Variants in SEC24B observed in about 807,000 individuals in gnomAD.
SEC24B encodes the protein SEC24 homolog B, COPII component.
A neutral mutation model predicts 142.8 loss-of-function variants in SEC24B; 45 were observed. The ratio of observed to expected loss-of-function variants is 0.32; its 90% CI spans 0.25 to 0.40. The LOEUF is 0.40. Among genes scored for constraint, SEC24B ranks in the 10% least tolerant of loss-of-function variants. The pLI is 1.00. For missense variants in SEC24B, 1,409 were observed against 1,526.8 expected, an observed-to-expected ratio of 0.92 and a Z score of 1.29; for synonymous variants, 574 against 568.2, an observed-to-expected ratio of 1.01 and a Z score of -0.15.
intron 7 of SEC24B, 77 bp downstream of exon 7, chr4:109,506,589 A>T (rs1233410138): frequency 9.7e-7 from 1 of 1,031,620 alleles, no homozygotes. Flanking sequence ...TAAAAGTAGT[A>T]TGTTATTTCT....
At chr4:109,456,000 C>A (rs35007614) in intron 1 of SEC24B, among the ~76,000 whole-genome samples, 1 of 152,166 alleles carries the variant, frequency 6.6e-6, no homozygotes, top group African/African-American at 2.4e-5. Flanking sequence ...ATCAAGTCTT[C>A]TAATCCATGA....
At chr4:109,538,799 T>C (rs1160650753) in intron 23 of SEC24B, among the ~76,000 whole-genome samples, 1 of 152,126 alleles carries the variant, frequency 6.6e-6, no homozygotes, top group African/African-American at 2.4e-5. Flanking sequence ...TTATTTAATT[T>C]GAGATAGAGT....
At chr4:109,488,513 GTTGA>G (rs1253462850) in intron 4 of SEC24B, among the ~76,000 whole-genome samples, 1 of 152,100 alleles carries the variant, frequency 6.6e-6, no homozygotes, top group African/African-American at 2.4e-5. Flanking sequence ...CCATTCATGA[GTTGA>G]TGGACATTTG....
chr4:109,479,748 T>A (rs1365503682), intron 3 of SEC24B, among the ~76,000 whole-genome samples: 1 of 152,242 alleles, frequency 6.6e-6, no homozygotes, highest in African/African-American at 2.4e-5. Flanking sequence ...ATTTTTGTTT[T>A]AATTGGGCTT....
At chr4:109,444,039 G>C (rs959093344) in intron 1 of SEC24B, among the ~76,000 whole-genome samples, 1 of 151,640 alleles carries the variant, frequency 6.6e-6, no homozygotes, top group African/African-American at 2.4e-5. Flanking sequence ...CCTGGCCAAC[G>C]TGGTAAAAAC....
At chr4:109,491,516 GA>G in intron 5 of SEC24B, 109 bp downstream of exon 5, 2 of 760,130 alleles carry the variant, frequency 2.6e-6, no homozygotes, top group Non-Finnish European at 4.3e-6. Context: ...TTTTTAACAA[GA>G]AAAAAAGGAC....
chr4:109,483,618 A>G (rs1302847631), intron 4 of SEC24B, among the ~76,000 whole-genome samples: 2 of 152,200 alleles, frequency 1.3e-5, no homozygotes, highest in Non-Finnish European at 2.9e-5. Flanking sequence ...CTCCTGTTCT[A>G]AATGTGAAGA....
In SEC24B at chr4:109,436,986, T is replaced by C. The variant is rs79209355; in HGVS notation, c.133+2984T>C. 1.9e-3 allele frequency among the ~76,000 whole-genome samples: 297 copies of C among 152,346 alleles called. 2 individuals are homozygous for C. Among genetic ancestry groups the C allele is most frequent in the African/African-American group, 6.8e-3 (284 of 41,576 alleles). Reference sequence around the variant, plus strand: ...TCCACAAGCCCTTCTACCAAAGTAATTGAACCTAAGGAGGGGGTAGTAGAA... The same window carrying C: ...TCCACAAGCCCTTCTACCAAAGTAACTGAACCTAAGGAGGGGGTAGTAGAA... On this transcript the variant is annotated intron_variant, in intron 1 of 23. Transcript: ENST00000265175.
Position 109,540,731 on chromosome 4 carries a change from A to G in SEC24B, c.*1056A>G, listed in dbSNP as rs552578669. 6.6e-6 allele frequency: 1 copy of G among 152,258 alleles called. No individual in the cohort carries two copies. Among genetic ancestry groups the G allele is most frequent in the Admixed American group, 6.5e-5 (1 of 15,288 alleles). The allele number at this position is 152,258 out of a possible 1,614,324, so 9.4% of individuals were successfully genotyped here. On this transcript the variant is annotated 3_prime_UTR_variant, in exon 24 of 24. Coordinates refer to ENST00000265175, the MANE Select transcript of SEC24B (RefSeq NM_006323.5). ...AACCCCATCTCTGCTAAAAATACCA[A>G]AATTAGCCAGGGGTGCTGGCGGGCA...
chr4:109,520,900 G>A (rs1723533336), intron 12 of SEC24B, among the ~76,000 whole-genome samples: 1 of 152,176 alleles, frequency 6.6e-6, no homozygotes, highest in Admixed American at 6.5e-5. Flanking sequence ...GCTGAGGCAG[G>A]AGAATCGCTT....
At chr4:109,499,781 A>G (rs2126021047) in intron 6 of SEC24B, among the ~76,000 whole-genome samples, 1 of 152,344 alleles carries the variant, frequency 6.6e-6, no homozygotes, top group Non-Finnish European at 1.5e-5. Context: ...ATAATACTTG[A>G]TAATGAAAAT....
intron 6 of SEC24B, among the ~76,000 whole-genome samples, chr4:109,505,697 GACAA>G (rs1736604379): frequency 6.6e-6 from 1 of 152,082 alleles, no homozygotes; most frequent in Non-Finnish European, 1.5e-5. Context: ...TTCCTTTTTA[GACAA>G]ACAATTCTAG....
At chr4:109,454,948 C>T (rs554443943) in intron 1 of SEC24B, among the ~76,000 whole-genome samples, 37 of 152,332 alleles carry the variant, frequency 2.4e-4, no homozygotes, top group African/African-American at 8.7e-4. Flanking sequence ...TTTCCCCATT[C>T]AGTCTGTTCA....
chr4:109,477,606 G>A (rs927775153), intron 3 of SEC24B, among the ~76,000 whole-genome samples: 2 of 152,042 alleles, frequency 1.3e-5, no homozygotes, highest in Non-Finnish European at 2.9e-5. Context: ...GATTACAGGT[G>A]TGAGCCACTG....
At position 109,501,864 on chromosome 4, in the gene SEC24B, C is replaced by T. The variant is rs540201460; in HGVS notation, c.1489-4464C>T. On this transcript the variant is annotated intron_variant, in intron 6 of 23. Coordinates refer to ENST00000265175, the MANE Select transcript of SEC24B (RefSeq NM_006323.5). The stretch of plus-strand genomic sequence containing the variant: ...AGTACTATTCTAGGCACTGAGAATA[C>T]GAGAGGAGGCTCAGTGAACCAAACA... Among the ~76,000 whole-genome samples, 16 of 152,300 alleles carry T rather than the reference C, an allele frequency of 1.1e-4. No homozygotes were observed. The East Asian group carries it at 1.5e-3, about 15-fold the overall frequency.
In SEC24B at chr4:109,463,388, T is replaced by C. The variant is rs1485691194; in HGVS notation, c.621T>C (p.Tyr207=). The change falls in exon 2 of 24, where the codon TAT becomes TAC. Residue 207 remains tyrosine (Y), a synonymous_variant. Transcript: ENST00000265175. ...CCTCTCTGCCTGCTGGTGATACATA[T>C]GGGCAAATGTTTACCTCACAGAATG... ...SYPSLPAGDT[Y]GQMFTSQNAP... is the part of the protein sequence containing the mutation. 2.5e-6 allele frequency: 4 copies of C among 1,614,106 alleles called. No individual in the cohort carries two copies. The highest frequency in any genetic ancestry group is 3.3e-5 in the Admixed American group (2 of 60,012).
At chr4:109,525,976 C>G (rs1425414491) in intron 16 of SEC24B, among the ~76,000 whole-genome samples, 2 of 152,034 alleles carry the variant, frequency 1.3e-5, no homozygotes, top group Non-Finnish European at 2.9e-5. Context: ...TGTCTGACTT[C>G]AAGTCACATG....
At chr4:109,512,971 C>CT (rs60804973) in intron 9 of SEC24B, among the ~76,000 whole-genome samples, 1,509 of 103,590 alleles carry the variant, frequency 0.015, 24 homozygotes, top group Non-Finnish European at 0.017. Context: ...TAAGCCTGAT[C>CT]TTTTTTTTTT....
chr4:109,453,875 C>A (rs1730395058), intron 1 of SEC24B, among the ~76,000 whole-genome samples: 1 of 152,154 alleles, frequency 6.6e-6, no homozygotes. Context: ...CTTCCCGCAA[C>A]AGACGGAGTT....
Sources: gnomAD v4.1 joint callset for allele counts (sites outside exome capture counted in the v4.1 genomes callset) on GRCh38, gnomAD v4.1.1 for gene constraint, MANE v1.5 for transcripts, NCBI Gene and HGNC (gene_info 2026-07-23, HGNC 2026-07-21) for gene names.